Variants in OPA1 observed in about 807,000 individuals in gnomAD.
The protein encoded by OPA1 is dynamin-like GTPase OPA1, mitochondrial.
A neutral mutation model predicts 152.9 loss-of-function variants in OPA1; 59 were observed. The observed-to-expected ratio is 0.39, with a 90% CI of 0.31 to 0.48. OPA1 has a LOEUF of 0.48. Among genes scored for constraint, OPA1 ranks in the 20% least tolerant of loss-of-function variants. OPA1 has a pLI of 0.96. For synonymous variants in OPA1, 400 were observed against 389.9 expected (o/e 1.03, Z -0.31); for missense variants, 1,008 against 1,216.8 (o/e 0.83, Z 2.55).
At chr3:193,654,827 T>A in intron 21 of OPA1, 35 bp from the exon 22 acceptor site, 3 of 1,601,730 alleles carry the variant, frequency 1.9e-6, no homozygotes, top group Non-Finnish European at 2.6e-6. Context: ...AATATTATAT[T>A]TAGATTTGGT....
chr3:193,647,882 A>G (rs1217303329), intron 19 of OPA1, among the ~76,000 whole-genome samples, 188 bp from the exon 20 acceptor site: 1 of 152,208 alleles, frequency 6.6e-6, no homozygotes, highest in Admixed American at 6.5e-5. Context: ...AACTAGAATC[A>G]GGGAGAATAG....
intron 11 of OPA1, among the ~76,000 whole-genome samples, chr3:193,640,107 T>C (rs140171332): frequency 3.3e-5 from 5 of 152,206 alleles, no homozygotes; most frequent in Non-Finnish European, 7.4e-5. Context: ...GTATACAAGT[T>C]TAGACAGAGG....
intron 29 of OPA1, among the ~76,000 whole-genome samples, chr3:193,687,624 T>C (rs1260390965): frequency 6.6e-6 from 1 of 152,248 alleles, no homozygotes; most frequent in Non-Finnish European, 1.5e-5. Context: ...ACCGTGATAC[T>C]GAAGCATTAA....
intron 19 of OPA1, 63 bp from the exon 20 acceptor site, chr3:193,648,007 C>A (rs1049774553): frequency 6.6e-5 from 79 of 1,197,232 alleles, no homozygotes; most frequent in Non-Finnish European, 9.5e-5. Flanking sequence ...ATTTTAACCA[C>A]TTTAACCACT....
rs116310168 is a variant in OPA1 at position 193,687,919 on chromosome 3, A to G, written c.2984-4144A>G. On this transcript the variant is annotated intron_variant, in intron 29 of 30. Transcript: ENST00000361510. ...CCTTGATAATAAGGTGCAACCATTA[A>G]GATGAAGGGATTTTTTTTTCCCACT... 6.7e-3 allele frequency among the ~76,000 whole-genome samples: 1,017 copies of G among 152,308 alleles called. 13 individuals are homozygous for G. Among genetic ancestry groups the G allele is most frequent in the African/African-American group, 0.023 (949 of 41,568 alleles).
At position 193,648,786 on chromosome 3, in the gene OPA1, A is replaced by G. The variant is rs367798637; in HGVS notation, c.1936-9A>G. ...GGAAATCTTACTTACTTGTATTTAT[A>G]TTGCCTAGAATGAACTATTTGAAAA... On this transcript the variant is annotated splice_polypyrimidine_tract_variant and intron_variant, in intron 20 of 30. Transcript: ENST00000361510. 4.4e-5 allele frequency: 69 copies of G among 1,553,496 alleles called. No individual in the cohort carries two copies. The African/African-American group carries it at 8.4e-4, about 19-fold the overall frequency.
At chr3:193,607,391 T>G (rs1353586621) in intron 1 of OPA1, among the ~76,000 whole-genome samples, 1 of 152,242 alleles carries the variant, frequency 6.6e-6, no homozygotes, top group East Asian at 1.9e-4. Flanking sequence ...AGGATTTTTA[T>G]GGTTTTAGGT....
intron 7 of OPA1, among the ~76,000 whole-genome samples, chr3:193,629,626 G>A (rs967589921): frequency 1.3e-5 from 2 of 151,930 alleles, no homozygotes; most frequent in African/African-American, 4.8e-5. Context: ...CGTGACCCCA[G>A]GAGGCAGAGC....
Position 193,593,238 on chromosome 3 carries a change from G to C in OPA1, c.-140G>C, listed in dbSNP as rs1459577222. On this transcript the variant is annotated 5_prime_UTR_variant, in exon 1 of 31. Transcript: ENST00000361510. Reference sequence around the variant, plus strand: ...CTTGCGGAAGTCCATGCGCCATTGGGAGGGCCTCGGCCGCGGCTCTGTGCC... The same window carrying C: ...CTTGCGGAAGTCCATGCGCCATTGGCAGGGCCTCGGCCGCGGCTCTGTGCC... 4 of 724,196 alleles carry C rather than the reference G, an allele frequency of 5.5e-6. No individual in the cohort carries two copies. The highest frequency in any genetic ancestry group is 3.7e-5 in the African/African-American group (2 of 54,446). 44.9% of individuals were successfully genotyped at this position (724,196 alleles called of 1,614,324 possible).
At chr3:193,596,179 T>C (rs995249027) in intron 1 of OPA1, among the ~76,000 whole-genome samples, 3 of 145,510 alleles carry the variant, frequency 2.1e-5, no homozygotes, top group Non-Finnish European at 4.5e-5. Flanking sequence ...CACTTAACTT[T>C]CCTCTTATGT....
chr3:193,689,540 T>C (rs1392768078), intron 29 of OPA1, among the ~76,000 whole-genome samples: 1 of 152,310 alleles, frequency 6.6e-6, no homozygotes. Context: ...TTTAGAAAAA[T>C]CTGATTTTCA....
intron 21 of OPA1, among the ~76,000 whole-genome samples, chr3:193,651,547 T>A (rs1268194125): frequency 6.6e-6 from 1 of 152,240 alleles, no homozygotes; most frequent in Non-Finnish European, 1.5e-5. Context: ...CTTGATTTTT[T>A]AAATAAATGT....
chr3:193,647,041 G>A, intron 18 of OPA1, 24 bp from the exon 19 acceptor site: 1 of 1,467,474 alleles, frequency 6.8e-7, no homozygotes, highest in Non-Finnish European at 9.5e-7. Context: ...ATATACTTTA[G>A]CTCTTGTTAT....
At chr3:193,677,926 G>C (rs566510448) in intron 29 of OPA1, among the ~76,000 whole-genome samples, 1 of 152,324 alleles carries the variant, frequency 6.6e-6, no homozygotes, top group East Asian at 1.9e-4. Context: ...ATCCTCAGTG[G>C]TTGGGGGATT....
intron 1 of OPA1, among the ~76,000 whole-genome samples, chr3:193,595,006 T>G (rs546194361): frequency 6.6e-6 from 1 of 152,326 alleles, no homozygotes; most frequent in South Asian, 2.1e-4. Flanking sequence ...TAAAACAAAC[T>G]GATTTATAAG....
At chr3:193,636,184 G>A (rs1732904713) in intron 9 of OPA1, among the ~76,000 whole-genome samples, 1 of 151,816 alleles carries the variant, frequency 6.6e-6, no homozygotes, top group African/African-American at 2.4e-5. Context: ...TGTAGTCAAG[G>A]TCCAAAGATA....
At chr3:193,662,366 TCAA>T (rs1715480430) in intron 25 of OPA1, among the ~76,000 whole-genome samples, 4 of 152,162 alleles carry the variant, frequency 2.6e-5, no homozygotes. Context: ...AAGAAACATG[TCAA>T]CAAGTTTAAG....
chr3:193,614,788 T>C lies in OPA1; in HGVS notation c.98T>C (p.Leu33Pro). 1 of 1,614,060 alleles carries C rather than the reference T, an allele frequency of 6.2e-7. No homozygotes were observed. The highest frequency in any genetic ancestry group is 8.5e-7 in the Non-Finnish European group (1 of 1,179,894). ...GIKGSLPLQKLHLVSRSIYHS... is the reference protein window; with the variant it reads ...GIKGSLPLQKPHLVSRSIYHS... The stretch of plus-strand genomic sequence containing the variant: ...AAAGGAAGTTTACCACTACAAAAAC[T>C]ACATCTGGTTTCACGAAGCATTTAT... The change falls in exon 2 of 31, where the codon CTA becomes CCA. Residue 33 changes from leucine to proline, a missense_variant. Leu to Pro is a moderately conservative substitution (Grantham distance 98). Around this residue, in one of 7 missense-constraint regions of OPA1, gnomAD observed 408 missense variants for 395.1 expected, o/e 1.03. Transcript: ENST00000361510.
At chr3:193,670,511 C>T (rs369782818) in intron 29 of OPA1, among the ~76,000 whole-genome samples, 4 of 151,614 alleles carry the variant, frequency 2.6e-5, no homozygotes, top group East Asian at 2.0e-4. Context: ...GGGCTACAGG[C>T]GCCCGCCACC....
Sources: gnomAD v4.1 joint callset for allele counts (sites outside exome capture counted in the v4.1 genomes callset) on GRCh38, gnomAD v4.1.1 for gene constraint, gnomAD v4.1.1 regional missense constraint, MANE v1.5 for transcripts, NCBI Gene and HGNC (gene_info 2026-07-23, HGNC 2026-07-21) for gene names.